Variants in KDM8 observed in about 807,000 individuals in gnomAD.
KDM8 encodes lysine demethylase 8.
Under a neutral mutation model 46.9 loss-of-function variants are expected in KDM8, and 35 were observed. That is an observed-to-expected ratio of 0.75 (90% CI 0.57 to 0.99). The LOEUF (loss-of-function observed/expected upper bound fraction) is 0.99, where lower values mean the gene tolerates loss of function less well. Ranked by LOEUF, KDM8 falls within the 50% of genes least tolerant of loss-of-function variation. The probability of loss-of-function intolerance (pLI) is 0.00; values close to 1 mark genes in which losing one functional copy is unlikely to be tolerated. For missense variants in KDM8, 475 were observed against 537.0 expected (o/e 0.88, Z 1.14); for synonymous variants, 232 against 227.7 (o/e 1.02, Z -0.17).
In KDM8 at chr16:27,206,980, G is replaced by A. The variant is rs140106761; in HGVS notation, c.-31-3113G>A. On this transcript the variant is annotated intron_variant, in intron 1 of 7. Transcript: ENST00000286096. ...GCCAATGTGAGGCTGCTCCCAGCGGGGTAGATGGACACAACAAACAATTCT... is the reference window on the plus strand; with the variant it reads ...GCCAATGTGAGGCTGCTCCCAGCGGAGTAGATGGACACAACAAACAATTCT... Among the ~76,000 whole-genome samples, 3 of 152,334 alleles carry A rather than the reference G, an allele frequency of 2.0e-5. No individual in the cohort carries two copies. The East Asian group carries it at 5.8e-4, about 29-fold the overall frequency.
chr16:27,217,370 C>T (rs1423966407), intron 5 of KDM8, among the ~76,000 whole-genome samples: 1 of 152,190 alleles, frequency 6.6e-6, no homozygotes, highest in Non-Finnish European at 1.5e-5. Context: ...GCCAGTGATT[C>T]TGATGACATG....
At chr16:27,219,459 G>C (rs1251326383) in intron 6 of KDM8, among the ~76,000 whole-genome samples, 1 of 152,244 alleles carries the variant, frequency 6.6e-6, no homozygotes, top group East Asian at 1.9e-4. Flanking sequence ...GTGGCAGGTT[G>C]GGGGAGGAGT....
chr16:27,221,458 G>A lies in KDM8; in HGVS notation c.*728G>A. 1 of 155,262 alleles carries A rather than the reference G, an allele frequency of 6.4e-6. No individual in the cohort carries two copies. Among genetic ancestry groups the A allele is most frequent in the South Asian group, 2.0e-4 (1 of 5,036 alleles). The allele number at this position is 155,262 out of a possible 1,614,324, so 9.6% of individuals were successfully genotyped here. A position where few individuals can be genotyped will look rare whatever the true frequency, so the allele number is the denominator to read the frequency against. ...GGATAACCTACCTGCCTGCAGAGAAGTGCGAAGGTCTTGCTGGATGACTTT... is the reference window on the plus strand; with the variant it reads ...GGATAACCTACCTGCCTGCAGAGAAATGCGAAGGTCTTGCTGGATGACTTT... On this transcript the variant is annotated 3_prime_UTR_variant, in exon 8 of 8. Transcript: ENST00000286096.
chr16:27,219,074 A>G lies in KDM8; in HGVS notation c.957A>G (p.Pro319=), dbSNP rs1485430894. 1 of 1,613,352 alleles carries G rather than the reference A, an allele frequency of 6.2e-7. No homozygotes were observed. Among genetic ancestry groups the G allele is most frequent in the African/African-American group, 1.3e-5 (1 of 74,888 alleles). Residue 319 remains proline, a synonymous_variant, in exon 6 of 8, where the codon CCA becomes CCG. Transcript: ENST00000286096. ...AWFGPQGTIS[P]LHQDPQQNFL... is the part of the protein sequence containing the mutation. Reference sequence around the variant, plus strand: ...TTGGTCCCCAGGGAACCATCTCCCCACTACATCAGGATCCCCAGCAAAACT... The same window carrying G: ...TTGGTCCCCAGGGAACCATCTCCCCGCTACATCAGGATCCCCAGCAAAACT...
chr16:27,206,738 G>A (rs1032408382), intron 1 of KDM8, among the ~76,000 whole-genome samples: 4 of 152,218 alleles, frequency 2.6e-5, no homozygotes, highest in African/African-American at 9.6e-5. Context: ...GAAGGCTGAT[G>A]AGCCTGGACC....
intron 5 of KDM8, chr16:27,216,215 T>A (rs1053341063): frequency 3.6e-5 from 21 of 584,400 alleles, no homozygotes; most frequent in African/African-American, 3.6e-4. Flanking sequence ...TATTCAGAGA[T>A]GAAGGGAGCA....
At chr16:27,213,515 C>G in intron 2 of KDM8, 70 bp from the exon 3 acceptor site, 1 of 1,534,584 alleles carries the variant, frequency 6.5e-7, no homozygotes, top group Non-Finnish European at 8.9e-7. Context: ...GACACAGGTT[C>G]CTGGTGGAAT....
chr16:27,207,462 G>A (rs2083439454), intron 1 of KDM8, among the ~76,000 whole-genome samples: 1 of 152,188 alleles, frequency 6.6e-6, no homozygotes, highest in African/African-American at 2.4e-5. Flanking sequence ...TGTTTGATAT[G>A]GTAACTACAT....
In KDM8 at chr16:27,214,777, G is replaced by C. The variant is rs550640441; in HGVS notation, c.666-99G>C. 2.2e-6 allele frequency: 3 copies of C among 1,376,888 alleles called. No homozygotes were observed. The Admixed American group carries it at 5.2e-5, about 24-fold the overall frequency. 85.3% of individuals were successfully genotyped at this position (1,376,888 alleles called of 1,614,324 possible). A position where few individuals can be genotyped will look rare whatever the true frequency, so the allele number is the denominator to read the frequency against. ...TGACAGTCCTTGTCTCTGCACGTGA[G>C]GTTTTCCGAGGATGAAAGGGGACCA... On this transcript the variant is annotated intron_variant, in intron 3 of 7. Transcript: ENST00000286096.
Position 27,203,540 on chromosome 16 carries a change from C to T in KDM8, c.-128C>T, listed in dbSNP as rs2083393707. ...GAGCGATCGATACTCCTATGCTAGC[C>T]TCTGGCTCCTCAGGGGACACAGCCG... On this transcript the variant is annotated 5_prime_UTR_variant, in exon 1 of 8. Transcript: ENST00000286096. 6.5e-6 allele frequency: 1 copy of T among 152,902 alleles called. No homozygotes were observed. The highest frequency in any genetic ancestry group is 1.5e-5 in the Non-Finnish European group (1 of 68,204). 9.5% of individuals were successfully genotyped at this position (152,902 alleles called of 1,614,324 possible).
rs1329140254 is a variant in KDM8 at position 27,210,363 on chromosome 16, C to T, written c.240C>T (p.Asn80=). ...TGGACTACTCCTGGGAGAAGCTCAACACGGGCACATGGCAGGACGTAGACA... is the reference window on the plus strand; with the variant it reads ...TGGACTACTCCTGGGAGAAGCTCAATACGGGCACATGGCAGGACGTAGACA... ...VILDYSWEKL[N]TGTWQDVDKD... The change falls in exon 2 of 8, where the codon AAC becomes AAT. Residue 80 remains asparagine, a synonymous_variant. Coordinates refer to ENST00000286096, the MANE Select transcript of KDM8 (RefSeq NM_024773.3). 6.2e-7 allele frequency: 1 copy of T among 1,613,394 alleles called. No individual in the cohort carries two copies. Among genetic ancestry groups the T allele is most frequent in the Admixed American group, 1.7e-5 (1 of 60,028 alleles).
At chr16:27,204,344 G>C in intron 1 of KDM8, 1 of 1,353,286 alleles carries the variant, frequency 7.4e-7, no homozygotes. Context: ...GCAGGCGTTG[G>C]GGCCACACGG....
chr16:27,210,817 C>T (rs1195287236), intron 2 of KDM8, among the ~76,000 whole-genome samples, 196 bp downstream of exon 2: 2 of 152,234 alleles, frequency 1.3e-5, no homozygotes, highest in Non-Finnish European at 1.5e-5. Context: ...GGCTGGAGTG[C>T]AGTAGTGTGA....
rs1157331195 is a variant in KDM8, at chr16:27,220,554, T to C, written c.1087-12T>C. 6.2e-7 allele frequency: 1 copy of C among 1,614,212 alleles called. No homozygotes were observed. On this transcript the variant is annotated splice_polypyrimidine_tract_variant and intron_variant, in intron 7 of 7. Transcript: ENST00000286096. ...TGCCCCTGGAGATGATGACGTCCTT[T>C]GCTTTCTTCAGGTTGACGTGGAGAA...
Position 27,210,580 on chromosome 16 carries a change from A to G in KDM8, c.457A>G (p.Arg153Gly), listed in dbSNP as rs758043017. The change falls in exon 2 of 8, where the codon AGG becomes GGG. Residue 153 changes from arginine to glycine, a missense_variant. Coordinates refer to ENST00000286096, the MANE Select transcript of KDM8 (RefSeq NM_024773.3). ...AILQTHLPGKRPARGSLPEQP... is the reference protein window; with the variant it reads ...AILQTHLPGKGPARGSLPEQP... ...CCTCCAGACACACCTCCCTGGAAAG[A>G]GGCCTGCCCGTGGCTCCCTCCCAGA... is the stretch of plus-strand genomic sequence containing the variant. The G allele has an allele frequency of 4.0e-6, 6 of 1,516,940 alleles. No individual in the cohort carries two copies. The highest frequency in any genetic ancestry group is 5.3e-6 in the Non-Finnish European group (6 of 1,132,780). The allele number at this position is 1,516,940 out of a possible 1,614,324, so 94.0% of individuals were successfully genotyped here.
chr16:27,213,695 G>A lies in KDM8; in HGVS notation c.609G>A (p.Gly203=). The A allele has an allele frequency of 6.2e-7, 1 of 1,614,206 alleles. No homozygotes were observed. The highest frequency in any genetic ancestry group is 1.1e-5 in the South Asian group (1 of 91,088). ...TCAGGGAGCAGTTTTTGGTTCCAGGGAGGCCCGTGATCCTGAAAGGCGTGG... is the reference window on the plus strand; with the variant it reads ...TCAGGGAGCAGTTTTTGGTTCCAGGAAGGCCCGTGATCCTGAAAGGCGTGG... ...QHFREQFLVP[G]RPVILKGVAD... is the part of the protein sequence containing the mutation. The change falls in exon 3 of 8, where the codon GGG becomes GGA. Residue 203 remains glycine (G), a synonymous_variant. Transcript: ENST00000286096.
At position 27,218,996 on chromosome 16, in the gene KDM8, C is replaced by T. The variant is rs749520709; in HGVS notation, c.879C>T (p.Asp293=). The T allele has an allele frequency of 1.4e-5, 22 of 1,614,046 alleles. No homozygotes were observed. In the South Asian group the frequency reaches 2.4e-4, roughly 18 times the overall value. Residue 293 remains aspartate, a synonymous_variant, in exon 6 of 8, where the codon GAC becomes GAT. Transcript: ENST00000286096. ...TGAAGCAGGACATCAGCATCCCCGA[C>T]TACTGCAGCCTGGGCGATGGGGAGG... ...PELKQDISIP[D]YCSLGDGEEE...
At chr16:27,203,726 T>G in intron 1 of KDM8, 90 bp downstream of exon 1, 4 of 227,702 alleles carry the variant, frequency 1.8e-5, no homozygotes, top group East Asian at 1.1e-4. Context: ...GCAGGCGTCA[T>G]GTGAAGCAGC....
chr16:27,216,174 T>C (rs1257773424), intron 5 of KDM8, 185 bp downstream of exon 5: 1 of 629,730 alleles, frequency 1.6e-6, no homozygotes. Flanking sequence ...CACTGGGGGG[T>C]CGCCAGTGCC....
Sources: allele counts gnomAD v4.1 joint callset (sites outside exome capture counted in the v4.1 genomes callset), GRCh38; gene constraint gnomAD v4.1.1; transcripts MANE v1.5; gene names NCBI Gene and HGNC (gene_info 2026-07-23, HGNC 2026-07-21).